SCPPPQ1: variants seen among roughly 807,000 people sequenced by gnomAD.
The protein encoded by SCPPPQ1 is secretory calcium-binding phosphoprotein proline-glutamine rich 1.
At chr4:87,462,823 C>G in the SCPPPQ1 span, among the ~76,000 whole-genome samples, 6 of 151,952 alleles carry the variant, frequency 3.9e-5, no homozygotes, top group Non-Finnish European at 5.9e-5. Context: ...TGTGGTGAAA[C>G]CCCGTCTCTA....
the SCPPPQ1 span, among the ~76,000 whole-genome samples, chr4:87,463,323 A>AT: frequency 7.2e-6 from 1 of 138,808 alleles, no homozygotes; most frequent in South Asian, 2.2e-4. Flanking sequence ...AAAGTTAAAA[A>AT]AAAAAACAAC....
chr4:87,465,413 G>A, the SCPPPQ1 span, among the ~76,000 whole-genome samples: 1 of 151,940 alleles, frequency 6.6e-6, no homozygotes, highest in Admixed American at 6.6e-5. Context: ...ATGTTAGCCA[G>A]TAATTATTGG....
chr4:87,469,887 G>A, the SCPPPQ1 span, among the ~76,000 whole-genome samples: 1 of 151,266 alleles, frequency 6.6e-6, no homozygotes, highest in South Asian at 2.1e-4. Flanking sequence ...GTTACAGTTC[G>A]GCCTATACAC....
the SCPPPQ1 span, among the ~76,000 whole-genome samples, chr4:87,465,026 A>G: frequency 6.6e-6 from 1 of 152,182 alleles, no homozygotes; most frequent in African/African-American, 2.4e-5. Context: ...ATCTATTTCA[A>G]ATGCTTCTAG....
chr4:87,461,920 A>G, the SCPPPQ1 span: 1 of 152,248 alleles, frequency 6.6e-6, no homozygotes, highest in Non-Finnish European at 1.5e-5. Context: ...TGATAAAAAT[A>G]TTGAAAAGGA....
the SCPPPQ1 span, among the ~76,000 whole-genome samples, chr4:87,462,796 G>C: frequency 6.6e-6 from 1 of 152,094 alleles, no homozygotes; most frequent in Non-Finnish European, 1.5e-5. Context: ...TCAGGAGTTT[G>C]AGACCAGCCT....
the SCPPPQ1 span, among the ~76,000 whole-genome samples, chr4:87,469,592 G>A: frequency 2.6e-5 from 4 of 152,252 alleles, no homozygotes; most frequent in South Asian, 4.1e-4. Flanking sequence ...GTGTACTCAC[G>A]GGGATGGGCA....
chr4:87,462,788 A>G, the SCPPPQ1 span, among the ~76,000 whole-genome samples: 1 of 152,174 alleles, frequency 6.6e-6, no homozygotes, highest in East Asian at 1.9e-4. Context: ...TCTTGAGGTC[A>G]GGAGTTTGAG....
chr4:87,465,556 C>CA, the SCPPPQ1 span, among the ~76,000 whole-genome samples: 1 of 27,548 alleles, frequency 3.6e-5, no homozygotes, highest in East Asian at 8.8e-4. Flanking sequence ...GAATAGAAAT[C>CA]TACAAAAAAA....
the SCPPPQ1 span, among the ~76,000 whole-genome samples, chr4:87,466,200 A>G: frequency 2.6e-5 from 4 of 152,004 alleles, no homozygotes; most frequent in East Asian, 1.9e-4. Flanking sequence ...GCCCAGCCCA[A>G]CTAACATGGT....
the SCPPPQ1 span, among the ~76,000 whole-genome samples, chr4:87,462,923 G>C: frequency 3.6e-3 from 547 of 150,844 alleles, 3 homozygotes; most frequent in Middle Eastern, 0.017. Context: ...GCTTGAGCCT[G>C]GGGGGGCAGA....
the SCPPPQ1 span, among the ~76,000 whole-genome samples, chr4:87,468,271 C>T: frequency 1.3e-5 from 2 of 152,192 alleles, no homozygotes; most frequent in South Asian, 2.1e-4. Flanking sequence ...ATTTACATTT[C>T]TTAAGATTAA....
the SCPPPQ1 span, chr4:87,462,007 G>C: frequency 6.6e-6 from 1 of 152,152 alleles, no homozygotes; most frequent in African/African-American, 2.4e-5. Flanking sequence ...AATTATTTCT[G>C]TCAAAATAGA....
chr4:87,462,416 T>C, the SCPPPQ1 span: 1 of 152,248 alleles, frequency 6.6e-6, no homozygotes, highest in Non-Finnish European at 1.5e-5. Flanking sequence ...AGCAAGATCC[T>C]GTTTCTTAAA....
At chr4:87,468,820 G>C in the SCPPPQ1 span, among the ~76,000 whole-genome samples, 1 of 152,244 alleles carries the variant, frequency 6.6e-6, no homozygotes, top group Non-Finnish European at 1.5e-5. Context: ...TAAAGAAACA[G>C]GCAATACAAA....
the SCPPPQ1 span, among the ~76,000 whole-genome samples, chr4:87,464,020 C>T: frequency 6.6e-6 from 1 of 152,130 alleles, no homozygotes; most frequent in African/African-American, 2.4e-5. Context: ...AACACTGTCC[C>T]AACTGTGACA....
the SCPPPQ1 span, among the ~76,000 whole-genome samples, chr4:87,469,635 A>G: frequency 1.3e-5 from 2 of 152,324 alleles, no homozygotes; most frequent in South Asian, 4.1e-4. Flanking sequence ...GCCAGCCAAG[A>G]TGAGAAATTT....
the SCPPPQ1 span, among the ~76,000 whole-genome samples, chr4:87,468,915 G>A: frequency 6.6e-6 from 1 of 152,144 alleles, no homozygotes; most frequent in Non-Finnish European, 1.5e-5. Flanking sequence ...TTGTTATCAA[G>A]GGCACTATAG....
chr4:87,464,858 A>G, the SCPPPQ1 span, among the ~76,000 whole-genome samples: 1 of 152,184 alleles, frequency 6.6e-6, no homozygotes, highest in African/African-American at 2.4e-5. Flanking sequence ...GAAAATCATA[A>G]TAGGAATATT....
Sources: allele counts gnomAD v4.1 joint callset (sites outside exome capture counted in the v4.1 genomes callset), GRCh38; gene constraint gnomAD v4.1.1; transcripts MANE v1.5; gene names NCBI Gene and HGNC (gene_info 2026-07-23, HGNC 2026-07-21).